ADAM19: variants seen among roughly 807,000 people sequenced by gnomAD.
ADAM19 encodes disintegrin and metalloproteinase domain-containing protein 19.
Under a neutral mutation model 114.7 loss-of-function variants are expected in ADAM19, and 65 were observed. The observed-to-expected ratio is 0.57, with a 90% CI of 0.46 to 0.70. The LOEUF is 0.70. Ranked by LOEUF, ADAM19 falls within the 30% of genes least tolerant of loss-of-function variation. The probability of loss-of-function intolerance (pLI) is 0.00; values close to 1 mark genes in which losing one functional copy is unlikely to be tolerated. For missense variants in ADAM19, 1,063 were observed against 1,204.7 expected (o/e 0.88, Z 1.74); for synonymous variants, 466 against 460.5 (o/e 1.01, Z -0.15).
intron 3 of ADAM19, 87 bp from the exon 4 acceptor site, chr5:157,538,078 C>T (rs933500569): frequency 9.3e-7 from 1 of 1,075,010 alleles, no homozygotes; most frequent in Admixed American, 1.9e-5. Flanking sequence ...CTGAACCAGG[C>T]AGGACTATCC....
chr5:157,575,714 G>C lies in ADAM19; in HGVS notation c.-18C>G. The C allele has an allele frequency of 7.6e-7, 1 of 1,309,976 alleles. No homozygotes were observed. Among genetic ancestry groups the C allele is most frequent in the Non-Finnish European group, 9.7e-7 (1 of 1,031,156 alleles). 81.1% of individuals were successfully genotyped at this position (1,309,976 alleles called of 1,614,324 possible). On this transcript the variant is annotated 5_prime_UTR_variant, in exon 1 of 23. Transcript: ENST00000257527. Reference sequence around the variant, plus strand: ...CCTGGCATGGTGGCGGCGGCCCTTAGCGCTCGGCGCTCACACGCCCTCAGC... The same window carrying C: ...CCTGGCATGGTGGCGGCGGCCCTTACCGCTCGGCGCTCACACGCCCTCAGC...
Position 157,509,407 on chromosome 5 carries a change from T to G in ADAM19, c.799A>C (p.Asn267His). 6.2e-7 allele frequency: 1 copy of G among 1,613,336 alleles called. No homozygotes were observed. Among genetic ancestry groups the G allele is most frequent in the South Asian group, 1.1e-5 (1 of 90,792 alleles). Reference protein sequence around the residue: ...LVGLEVWTHGNMCEVSENPYS... With the variant: ...LVGLEVWTHGHMCEVSENPYS... The stretch of plus-strand genomic sequence containing the variant: ...GGATTCTCTGAAACTTCACACATGT[T>G]CCCGTGGGTCCACACTTCCAAGCCC... Residue 267 changes from asparagine (N) to histidine (H), a missense_variant, in exon 9 of 23, where the codon AAC (asparagine) becomes CAC (histidine). Physicochemically the swap from Asn to His is moderately conservative, Grantham distance 68 (BLOSUM62 1). Coordinates refer to ENST00000257527, the MANE Select transcript of ADAM19 (RefSeq NM_033274.5).
intron 21 of ADAM19, 131 bp from the exon 22 acceptor site, chr5:157,482,074 G>T: frequency 1.4e-6 from 1 of 733,070 alleles, no homozygotes. Flanking sequence ...GAAAGAAACT[G>T]TATGTATAAT....
intron 1 of ADAM19, 109 bp downstream of exon 1, chr5:157,575,494 C>A: frequency 2.6e-6 from 2 of 762,432 alleles, no homozygotes; most frequent in Non-Finnish European, 3.8e-6. Flanking sequence ...GCAGGCCCCG[C>A]GGAGTTGCGG....
In ADAM19 at chr5:157,491,920, G is replaced by A. The variant is rs947690198; in HGVS notation, c.1909-8C>T. 6 of 1,614,036 alleles carry A rather than the reference G, an allele frequency of 3.7e-6. No individual in the cohort carries two copies. In the Admixed American group the frequency reaches 1.0e-4, roughly 27 times the overall value. On this transcript the variant is annotated splice_polypyrimidine_tract_variant and splice_region_variant and intron_variant, in intron 16 of 22. Transcript: ENST00000257527. ...CTGCCCCTCAAAGCAAATCTGCACG[G>A]AGAGAAAACAGAACGATCAGTGCAA...
At chr5:157,567,150 C>A (rs1454152398) in intron 2 of ADAM19, among the ~76,000 whole-genome samples, 1 of 152,208 alleles carries the variant, frequency 6.6e-6, no homozygotes, top group Non-Finnish European at 1.5e-5. Context: ...TCGCTGCAAA[C>A]CCCACTCTGC....
At chr5:157,574,294 C>T (rs11134822) in intron 1 of ADAM19, among the ~76,000 whole-genome samples, 20,304 of 152,178 alleles carry the variant, frequency 0.13, 1,420 homozygotes, top group Middle Eastern at 0.24. Context: ...TCAGAGAAGG[C>T]GCCTGTGCTA....
chr5:157,569,779 T>C (rs370008207), intron 2 of ADAM19, among the ~76,000 whole-genome samples: 10 of 152,312 alleles, frequency 6.6e-5, no homozygotes, highest in African/African-American at 2.4e-4. Flanking sequence ...TCACAAATCA[T>C]TTTAACCCAA....
chr5:157,487,523 C>A (rs1193008823), intron 21 of ADAM19, among the ~76,000 whole-genome samples: 2 of 152,178 alleles, frequency 1.3e-5, no homozygotes, highest in African/African-American at 4.8e-5. Flanking sequence ...CAGAAGGCAC[C>A]CCACCCGGCC....
chr5:157,562,141 C>A (rs1554083851), intron 3 of ADAM19, among the ~76,000 whole-genome samples: 1 of 152,200 alleles, frequency 6.6e-6, no homozygotes, highest in Non-Finnish European at 1.5e-5. Flanking sequence ...GGGAAATAAA[C>A]ACACTAGGAA....
chr5:157,488,793 A>C lies in ADAM19; in HGVS notation c.2326-304T>G, dbSNP rs1392893276. Among the ~76,000 whole-genome samples the C allele has an allele frequency of 2.0e-5, 3 of 152,124 alleles. No homozygotes were observed. The East Asian group carries it at 5.8e-4, about 29-fold the overall frequency. The stretch of plus-strand genomic sequence containing the variant: ...ATGCCTGTAATCCCAGCATTTTGGG[A>C]GGCCGAGGCGGGTGGATCACGAGGT... On this transcript the variant is annotated intron_variant, in intron 20 of 22. Coordinates refer to ENST00000257527, the MANE Select transcript of ADAM19 (RefSeq NM_033274.5).
intron 10 of ADAM19, among the ~76,000 whole-genome samples, chr5:157,506,479 C>G (rs549322888): frequency 6.6e-6 from 1 of 152,350 alleles, no homozygotes; most frequent in African/African-American, 2.4e-5. Flanking sequence ...TTGAACCCAA[C>G]AGGCTCAGAC....
At position 157,493,177 on chromosome 5, in the gene ADAM19, T is replaced by C; in HGVS notation, c.1704A>G (p.Arg568=). The stretch of plus-strand genomic sequence containing the variant: ...ACTGGATCTTCCCACACTTCGCATC[T>C]CTGGGCACAAGAGACAGAGAGGGAA... ...MNGEHRKCNM[R]DAKCGKIQCQ... is the part of the protein sequence containing the mutation. Residue 568 remains arginine (R), a splice_region_variant and synonymous_variant, in exon 16 of 23, where the codon AGA becomes AGG. Coordinates refer to ENST00000257527, the MANE Select transcript of ADAM19 (RefSeq NM_033274.5). 1.9e-6 allele frequency: 3 copies of C among 1,613,320 alleles called. No individual in the cohort carries two copies. Among genetic ancestry groups the C allele is most frequent in the Non-Finnish European group, 2.5e-6 (3 of 1,179,332 alleles).
chr5:157,487,094 A>G (rs771948943), intron 21 of ADAM19, among the ~76,000 whole-genome samples: 1 of 152,158 alleles, frequency 6.6e-6, no homozygotes, highest in Admixed American at 6.5e-5. Context: ...CTGTGAGAAA[A>G]TAAGTGTCTG....
chr5:157,559,384 C>G (rs535158461), intron 3 of ADAM19, among the ~76,000 whole-genome samples: 1 of 152,334 alleles, frequency 6.6e-6, no homozygotes, highest in South Asian at 2.1e-4. Context: ...GGCCAAAGAG[C>G]CTCTGGGCAA....
intron 3 of ADAM19, among the ~76,000 whole-genome samples, chr5:157,542,539 A>G (rs1464546804): frequency 6.6e-6 from 1 of 152,230 alleles, no homozygotes; most frequent in African/African-American, 2.4e-5. Context: ...GGCTGGGTGC[A>G]ATGGCTCACG....
At chr5:157,527,121 T>A (rs1756486720) in intron 5 of ADAM19, among the ~76,000 whole-genome samples, 1 of 152,150 alleles carries the variant, frequency 6.6e-6, no homozygotes, top group Non-Finnish European at 1.5e-5. Context: ...CTCAGGAAAC[T>A]TACAGTCATG....
At chr5:157,529,052 A>T (rs1048543188) in intron 5 of ADAM19, among the ~76,000 whole-genome samples, 2 of 152,254 alleles carry the variant, frequency 1.3e-5, no homozygotes, top group Non-Finnish European at 2.9e-5. Flanking sequence ...TTCTGCCTTC[A>T]ATAACATCAC....
intron 3 of ADAM19, among the ~76,000 whole-genome samples, chr5:157,539,426 A>T (rs1260473606): frequency 6.6e-6 from 1 of 152,170 alleles, no homozygotes; most frequent in Non-Finnish European, 1.5e-5. Flanking sequence ...CCAGCAAGAG[A>T]GGGTCATCGC....
Sources: allele counts gnomAD v4.1 joint callset (sites outside exome capture counted in the v4.1 genomes callset), GRCh38; gene constraint gnomAD v4.1.1; transcripts MANE v1.5; gene names NCBI Gene and HGNC (gene_info 2026-07-23, HGNC 2026-07-21).